Variants in ASPH observed in about 807,000 individuals in gnomAD.
The protein encoded by ASPH is aspartyl/asparaginyl beta-hydroxylase.
In ASPH, 100 loss-of-function variants were observed where a neutral mutation model predicts 118.4. That is an observed-to-expected ratio of 0.84 (90% CI 0.72 to 1.00). ASPH has a LOEUF of 1.00. ASPH is among the 50% of genes least tolerant of loss of function. The probability of loss-of-function intolerance (pLI) is 0.00; values close to 1 mark genes in which losing one functional copy is unlikely to be tolerated. For synonymous variants in ASPH, 315 were observed against 325.6 expected (o/e 0.97, Z 0.35); for missense variants, 920 against 919.5 (o/e 1.00, Z -0.01).
At chr8:61,586,152 C>T (rs1387946166) in intron 14 of ASPH, among the ~76,000 whole-genome samples, 1 of 152,118 alleles carries the variant, frequency 6.6e-6, no homozygotes, top group Non-Finnish European at 1.5e-5. Flanking sequence ...AGTGTTCTTC[C>T]TTATTCTCTA....
At chr8:61,608,420 C>A (rs769636600) in intron 14 of ASPH, among the ~76,000 whole-genome samples, 2 of 152,176 alleles carry the variant, frequency 1.3e-5, no homozygotes, top group East Asian at 1.9e-4. Context: ...GGAAGCACTG[C>A]AAGGTTTCCT....
At chr8:61,597,219 T>C (rs1387289514) in intron 14 of ASPH, among the ~76,000 whole-genome samples, 3 of 112,726 alleles carry the variant, frequency 2.7e-5, no homozygotes, top group South Asian at 5.4e-4. Flanking sequence ...AAAAAAACAA[T>C]GAAGGGGCCT....
chr8:61,651,376 A>T (rs1349987562), intron 4 of ASPH: 4 of 336,620 alleles, frequency 1.2e-5, no homozygotes, highest in Admixed American at 9.6e-5. Flanking sequence ...AAGAAAACTC[A>T]GGCTCAGATT....
At chr8:61,560,571 C>T (rs540541710) in intron 18 of ASPH, among the ~76,000 whole-genome samples, 18 of 151,688 alleles carry the variant, frequency 1.2e-4, no homozygotes, top group Admixed American at 5.2e-4. Context: ...GGAAAAAAGG[C>T]GACCCCCACA....
chr8:61,604,520 C>T (rs927415411), intron 14 of ASPH, among the ~76,000 whole-genome samples: 4 of 152,106 alleles, frequency 2.6e-5, no homozygotes, highest in Admixed American at 6.5e-5. Context: ...CAATTATAGA[C>T]GATCATGTTT....
At chr8:61,578,728 G>A in intron 15 of ASPH, 1 of 1,607,824 alleles carries the variant, frequency 6.2e-7, no homozygotes. Context: ...AACATGCAGA[G>A]GCTGGTGGAG....
At chr8:61,653,282 G>A (rs530173982) in intron 4 of ASPH, among the ~76,000 whole-genome samples, 1 of 152,310 alleles carries the variant, frequency 6.6e-6, no homozygotes, top group South Asian at 2.1e-4. Flanking sequence ...TAGTACAGTA[G>A]TGCTGGAATT....
intron 14 of ASPH, among the ~76,000 whole-genome samples, chr8:61,605,175 A>T (rs1013461147): frequency 6.6e-6 from 1 of 152,354 alleles, no homozygotes; most frequent in East Asian, 1.9e-4. Context: ...TTTCTCTTGC[A>T]CTTAAAGACA....
chr8:61,606,430 G>A (rs1259491706), intron 14 of ASPH: 3 of 151,876 alleles, frequency 2.0e-5, no homozygotes, highest in African/African-American at 7.3e-5. Context: ...TTATATAAAG[G>A]GTATCAATTA....
chr8:61,556,509 C>T (rs2131271542), intron 18 of ASPH, among the ~76,000 whole-genome samples: 1 of 152,300 alleles, frequency 6.6e-6, no homozygotes, highest in African/African-American at 2.4e-5. Context: ...TCCATTCATT[C>T]AACAGAAAAC....
intron 13 of ASPH, chr8:61,631,954 G>C (rs1307414636): frequency 1.3e-5 from 2 of 155,196 alleles, no homozygotes; most frequent in South Asian, 2.1e-4. Flanking sequence ...CAGATCAGTT[G>C]AATCAACCCT....
At chr8:61,696,414 C>A (rs531656141) in intron 1 of ASPH, among the ~76,000 whole-genome samples, 8 of 152,310 alleles carry the variant, frequency 5.3e-5, no homozygotes, top group African/African-American at 1.7e-4. Flanking sequence ...GGAGCTACTG[C>A]CCTAGCCCAC....
intron 14 of ASPH, among the ~76,000 whole-genome samples, chr8:61,613,906 T>C (rs780715625): frequency 7.2e-5 from 11 of 152,198 alleles, no homozygotes; most frequent in African/African-American, 1.7e-4. Flanking sequence ...ATAAGAAAAC[T>C]GAATGACACT....
At chr8:61,526,657 G>A (rs1815450897) in intron 21 of ASPH, among the ~76,000 whole-genome samples, 2 of 152,192 alleles carry the variant, frequency 1.3e-5, no homozygotes, top group African/African-American at 2.4e-5. Flanking sequence ...AAATGCACTA[G>A]TGTTTAGAAT....
intron 13 of ASPH, among the ~76,000 whole-genome samples, chr8:61,620,622 G>A (rs1448120323): frequency 1.3e-5 from 2 of 151,966 alleles, no homozygotes; most frequent in Non-Finnish European, 2.9e-5. Flanking sequence ...AATATTAACT[G>A]AGCACCTACT....
intron 3 of ASPH, among the ~76,000 whole-genome samples, chr8:61,655,765 T>C (rs1416251293): frequency 6.6e-6 from 1 of 152,270 alleles, no homozygotes; most frequent in African/African-American, 2.4e-5. Context: ...GCAAAAAATA[T>C]TGATTATTTT....
intron 3 of ASPH, chr8:61,676,153 T>A: frequency 6.3e-7 from 1 of 1,599,484 alleles, no homozygotes; most frequent in Non-Finnish European, 8.5e-7. Flanking sequence ...CAACACCATC[T>A]GCGGTTTCGC....
At chr8:61,544,628 T>G (rs1823119215) in intron 21 of ASPH, among the ~76,000 whole-genome samples, 1 of 152,222 alleles carries the variant, frequency 6.6e-6, no homozygotes, top group African/African-American at 2.4e-5. Flanking sequence ...TTGCAACTTC[T>G]TATATGTAAG....
At chr8:61,504,438 G>T (rs891964459) in intron 24 of ASPH, among the ~76,000 whole-genome samples, 1 of 152,176 alleles carries the variant, frequency 6.6e-6, no homozygotes, top group African/African-American at 2.4e-5. Flanking sequence ...GGAAATGCTA[G>T]CTTGATTTCA....
Sources: gnomAD v4.1 joint callset for allele counts (sites outside exome capture counted in the v4.1 genomes callset) on GRCh38, gnomAD v4.1.1 for gene constraint, MANE v1.5 for transcripts, NCBI Gene and HGNC (gene_info 2026-07-23, HGNC 2026-07-21) for gene names.